Variants in STOX2 observed in about 807,000 individuals in gnomAD.
STOX2 encodes the protein storkhead-box protein 2.
Under a neutral mutation model 60.9 loss-of-function variants are expected in STOX2, and 28 were observed. That is an observed-to-expected ratio of 0.46 (90% confidence interval 0.34 to 0.63). The LOEUF is 0.63. Ranked by LOEUF, STOX2 falls within the 30% of genes least tolerant of loss-of-function variation. The probability of loss-of-function intolerance (pLI) is 0.01; values close to 1 mark genes in which losing one functional copy is unlikely to be tolerated. For synonymous variants in STOX2, 472 were observed against 463.9 expected (o/e 1.02, Z -0.22); for missense variants, 1,024 against 1,187.7 (o/e 0.86, Z 2.03).
At chr4:183,930,013 C>T (rs550462561) in intron 1 of STOX2, among the ~76,000 whole-genome samples, 1 of 151,664 alleles carries the variant, frequency 6.6e-6, no homozygotes, top group African/African-American at 2.4e-5. Flanking sequence ...ATGGGCGCCC[C>T]TCACCACGCC....
At chr4:183,857,455 T>TGCCTC (rs1412253604) in intron 1 of STOX2, among the ~76,000 whole-genome samples, 1 of 3,470 alleles carries the variant, frequency 2.9e-4, no homozygotes, top group African/African-American at 6.0e-4. Flanking sequence ...GTTATCCCAT[T>TGCCTC]GAAGGCAGTG....
chr4:183,990,881 C>T (rs928498513), intron 1 of STOX2, among the ~76,000 whole-genome samples: 1 of 151,714 alleles, frequency 6.6e-6, no homozygotes, highest in African/African-American at 2.4e-5. Flanking sequence ...AGGAGTATGC[C>T]GAATTCGGGA....
chr4:183,872,873 C>T (rs1369723022), intron 1 of STOX2, among the ~76,000 whole-genome samples: 1 of 151,954 alleles, frequency 6.6e-6, no homozygotes, highest in African/African-American at 2.4e-5. Context: ...GAGATTAGTC[C>T]GTCATCTTTG....
intron 1 of STOX2, among the ~76,000 whole-genome samples, chr4:183,893,798 A>G (rs1183846243): frequency 6.6e-6 from 1 of 152,196 alleles, no homozygotes; most frequent in African/African-American, 2.4e-5. Context: ...TTTCCCTGAA[A>G]AGTAGAGTGA....
At chr4:183,951,050 C>T (rs1387950684) in intron 1 of STOX2, among the ~76,000 whole-genome samples, 3 of 151,560 alleles carry the variant, frequency 2.0e-5, no homozygotes, top group Non-Finnish European at 4.4e-5. Flanking sequence ...CCCGTCTCTA[C>T]TAAAAATACA....
intron 1 of STOX2, among the ~76,000 whole-genome samples, chr4:183,965,659 G>A (rs975520454): frequency 6.6e-6 from 1 of 152,110 alleles, no homozygotes; most frequent in Non-Finnish European, 1.5e-5. Flanking sequence ...TGGAAAAGGG[G>A]TAAGAGAGGA....
At chr4:183,949,319 C>G (rs999705741) in intron 1 of STOX2, among the ~76,000 whole-genome samples, 6 of 151,802 alleles carry the variant, frequency 4.0e-5, no homozygotes, top group African/African-American at 1.5e-4. Flanking sequence ...CATGGAAATT[C>G]AAAGGTAGCA....
intron 1 of STOX2, among the ~76,000 whole-genome samples, chr4:183,839,704 C>T (rs562804835): frequency 2.6e-5 from 4 of 152,084 alleles, no homozygotes; most frequent in South Asian, 2.1e-4. Context: ...TGTTCTTTTT[C>T]GGACATTCTG....
intron 1 of STOX2, among the ~76,000 whole-genome samples, chr4:183,883,992 A>G (rs908168002): frequency 1.3e-4 from 19 of 151,914 alleles, no homozygotes; most frequent in African/African-American, 4.6e-4. Context: ...AGCTGGGACT[A>G]CAGGCGCCCG....
intron 1 of STOX2, among the ~76,000 whole-genome samples, chr4:183,954,272 G>GT (rs1445497808): frequency 5.5e-5 from 7 of 126,146 alleles, no homozygotes; most frequent in East Asian, 2.1e-4. Context: ...ATTCATTAGG[G>GT]TTTTTTTGTT....
At chr4:183,854,543 A>G (rs1740240776) in intron 1 of STOX2, among the ~76,000 whole-genome samples, 2 of 152,292 alleles carry the variant, frequency 1.3e-5, no homozygotes, top group South Asian at 4.2e-4. Context: ...TGGTGAGTTT[A>G]TTATTTTTTA....
chr4:183,928,455 C>T (rs1028593860), intron 1 of STOX2, among the ~76,000 whole-genome samples: 1 of 152,206 alleles, frequency 6.6e-6, no homozygotes, highest in Non-Finnish European at 1.5e-5. Flanking sequence ...TATCTTTCAG[C>T]TGGAGAATAC....
In STOX2 at chr4:183,836,904, C is replaced by G. The variant is rs997612752; in HGVS notation, c.364+38849C>G. 6.6e-6 allele frequency among the ~76,000 whole-genome samples: 1 copy of G among 152,134 alleles called. No homozygotes were observed. Among genetic ancestry groups the G allele is most frequent in the African/African-American group, 2.4e-5 (1 of 41,438 alleles). The stretch of plus-strand genomic sequence containing the variant: ...CCTTGGAATGGATTGTCTTTTCTGT[C>G]TTTTATATAATAATTCCAGGAAGAC... On this transcript the variant is annotated intron_variant, in intron 1 of 2. Coordinates refer to the STOX2 transcript ENST00000513034. This position sits in a 1 kb window ranked among gnomAD's most constrained non-coding sequence, Gnocchi z 4.1.
chr4:183,849,520 G>A (rs2111139084), intron 1 of STOX2, among the ~76,000 whole-genome samples: 3 of 152,362 alleles, frequency 2.0e-5, no homozygotes, highest in Admixed American at 2.0e-4. Flanking sequence ...GACAATGCTG[G>A]AGGGTGAGCC....
At position 183,891,386 on chromosome 4, in the gene STOX2, A is replaced by G. The variant is rs1187289586; in HGVS notation, c.364+93331A>G. On this transcript the variant is annotated intron_variant, in intron 1 of 2. Coordinates refer to the STOX2 transcript ENST00000513034. ...TATATATATATATATATATATATAT[A>G]TATATATATATATATATATATGATG... 1.4e-3 allele frequency among the ~76,000 whole-genome samples: 177 copies of G among 126,642 alleles called. 6 individuals carry two copies. The highest frequency in any genetic ancestry group is 1.1e-3 in the Non-Finnish European group (70 of 61,458). 83.1% of individuals were successfully genotyped at this position (126,642 alleles called of 152,430 possible).
chr4:183,971,899 G>T (rs898183703), intron 1 of STOX2, among the ~76,000 whole-genome samples: 5 of 152,192 alleles, frequency 3.3e-5, no homozygotes, highest in African/African-American at 9.7e-5. Context: ...CAGGCACCGT[G>T]GGGAAGGAGA....
intron 1 of STOX2, among the ~76,000 whole-genome samples, chr4:183,974,381 AATTAT>A (rs1276566168): frequency 6.6e-6 from 1 of 152,198 alleles, no homozygotes; most frequent in East Asian, 1.9e-4. Context: ...ACGTATAACT[AATTAT>A]ATTAAATATA....
chr4:183,993,594 G>C (rs1286845543), intron 1 of STOX2, among the ~76,000 whole-genome samples: 1 of 151,788 alleles, frequency 6.6e-6, no homozygotes, highest in African/African-American at 2.4e-5. Context: ...TTGAAGTAAA[G>C]CATTAGGAAA....
chr4:183,919,673 G>A lies in STOX2; in HGVS notation c.166+12717G>A, dbSNP rs571585084. Among the ~76,000 whole-genome samples the A allele has an allele frequency of 3.3e-5, 5 of 151,908 alleles. No homozygotes were observed. In the South Asian group the frequency reaches 8.3e-4, roughly 25 times the overall value. The stretch of plus-strand genomic sequence containing the variant: ...CAGGCTGGAGTGCAGTGGTACTATC[G>A]TAGCTCACTGCAACCTCTACCTCCT... On this transcript the variant is annotated intron_variant, in intron 1 of 3. Coordinates refer to ENST00000308497, the MANE Select transcript of STOX2 (RefSeq NM_020225.3).
Sources: allele counts gnomAD v4.1 joint callset (sites outside exome capture counted in the v4.1 genomes callset), GRCh38; gene constraint gnomAD v4.1.1; non-coding constraint Gnocchi (gnomAD v3.1); transcripts MANE v1.5; gene names NCBI Gene and HGNC (gene_info 2026-07-23, HGNC 2026-07-21).